The following TPSD1 variants were observed in gnomAD, a reference collection of about 807,000 sequenced individuals.
TPSD1 encodes the protein tryptase delta 1.
A neutral mutation model predicts 25.4 loss-of-function variants in TPSD1; 30 were observed. The ratio of observed to expected loss-of-function variants is 1.18; its 90% CI spans 0.88 to 1.60. The LOEUF is 1.60. TPSD1 is among the 40% of genes most tolerant of loss of function. TPSD1 has a pLI of 0.00. For synonymous variants in TPSD1, 176 were observed against 149.4 expected, an observed-to-expected ratio of 1.18 and a Z score of -1.30; for missense variants, 420 against 324.2, an observed-to-expected ratio of 1.30 and a Z score of -2.27.
intron 1 of TPSD1, 22 bp downstream of exon 1, chr16:1,256,384 C>T (rs1213263902): frequency 1.2e-6 from 2 of 1,612,090 alleles, no homozygotes; most frequent in Non-Finnish European, 8.5e-7. Flanking sequence ...CCGGGGTCCA[C>T]CCTGCCCCTC....
intron 3 of TPSD1, chr16:1,257,857 G>T: frequency 1.6e-6 from 1 of 628,482 alleles, no homozygotes; most frequent in Non-Finnish European, 2.7e-6. Flanking sequence ...TCCCCAGATG[G>T]GGCTTAAATG....
Position 1,257,047 on chromosome 16 carries a change from G to A in TPSD1, c.505G>A (p.Asp169Asn), listed in dbSNP as rs368071110. ...GMPCWVTGWG[D>N]VDNNVHLPPP... Reference sequence around the variant, plus strand: ...GCCGTGCTGGGTCACTGGCTGGGGCGACGTGGACAATAATGGTGGGTGTTG... The same window carrying A: ...GCCGTGCTGGGTCACTGGCTGGGGCAACGTGGACAATAATGGTGGGTGTTG... The change falls in exon 3 of 5, where the codon GAC becomes AAC. Residue 169 changes from aspartate to asparagine, a missense_variant. By Grantham distance (23) the Asp-to-Asn change is conservative. Transcript: ENST00000211076. The A allele has an allele frequency of 1.3e-5, 21 of 1,610,384 alleles. No homozygotes were observed. Among genetic ancestry groups the A allele is most frequent in the Non-Finnish European group, 1.6e-5 (19 of 1,178,740 alleles).
rs367656690 is a variant in TPSD1, at chr16:1,258,416, C to G, written c.*40C>G. On this transcript the variant is annotated 3_prime_UTR_variant, in exon 5 of 5. Transcript: ENST00000211076. The stretch of plus-strand genomic sequence containing the variant: ...GGTCAGCTGGGAGGAGAGCTGTGCC[C>G]AGCCCAACCGGCCTGGCATCTACAC... The G allele has an allele frequency of 1.1e-5, 17 of 1,613,100 alleles. No individual in the cohort carries two copies. Among genetic ancestry groups the G allele is most frequent in the Non-Finnish European group, 1.4e-5 (17 of 1,179,796 alleles).
rs781102187 is a variant in TPSD1, at chr16:1,256,598, G to C, written c.165G>C (p.Leu55=). The C allele has an allele frequency of 6.2e-7, 1 of 1,612,842 alleles. No individual in the cohort carries two copies. Among genetic ancestry groups the C allele is most frequent in the Non-Finnish European group, 8.5e-7 (1 of 1,179,764 alleles). The change falls in exon 2 of 5, where the codon CTG becomes CTC. Residue 55 remains leucine (L), a synonymous_variant. Coordinates refer to ENST00000211076, the MANE Select transcript of TPSD1 (RefSeq NM_012217.3). ...GCAAGTGGCCCTGGCAGGTGAGCCT[G>C]AGAGTCCGCGGCCCATACTGGATGC... ...PRSKWPWQVS[L]RVRGPYWMHF...
rs2030991250 is a variant in TPSD1, at chr16:1,257,061, T to C, written c.519T>C (p.Asn173=). The C allele has an allele frequency of 6.2e-7, 1 of 1,605,168 alleles. No individual in the cohort carries two copies. Residue 173 remains asparagine, a splice_region_variant and synonymous_variant, in exon 3 of 5, where the codon AAT becomes AAC. Coordinates refer to ENST00000211076, the MANE Select transcript of TPSD1 (RefSeq NM_012217.3). The part of the protein sequence containing the change: ...WVTGWGDVDN[N]VHLPPPYPLK... ...CTGGCTGGGGCGACGTGGACAATAA[T>C]GGTGGGTGTTGGGGACAGCGGGAGG... is the stretch of plus-strand genomic sequence containing the variant.
chr16:1,256,871 C>T lies in TPSD1; in HGVS notation c.329C>T (p.Pro110Leu), dbSNP rs147268885. The T allele has an allele frequency of 2.7e-4, 429 of 1,613,708 alleles. No homozygotes were observed. In the African/African-American group the frequency reaches 4.4e-3, roughly 17 times the overall value. The change falls in exon 3 of 5, where the codon CCG becomes CTG. Residue 110 changes from proline (P) to leucine (L), a missense_variant. Pro to Leu is a moderately conservative substitution (Grantham distance 98). Transcript: ENST00000211076. ...CTCTACTACCAGGACCAGCTGCTGC[C>T]GGTCAGCAGGATCATCGTGCACCCA... ...QHLYYQDQLLPVSRIIVHPQF... is the reference protein window; with the variant it reads ...QHLYYQDQLLLVSRIIVHPQF...
rs201985553 is a variant in TPSD1, at chr16:1,258,849, AGCCCCCTCCTCCATCCT to A, written c.*492_*508del. The A allele has an allele frequency of 0.024, 1,312 of 55,476 alleles. 334 individuals carry two copies. The East Asian group carries it at 0.44, about 19-fold the overall frequency. 3.4% of individuals were successfully genotyped at this position (55,476 alleles called of 1,614,324 possible). On this transcript the variant is annotated 3_prime_UTR_variant, in exon 5 of 5. Coordinates refer to ENST00000211076, the MANE Select transcript of TPSD1 (RefSeq NM_012217.3). ...TTTCTTGAGCCCCTCCTCCATCCTG[AGCCCCCTCCTCCATCCT>A]GCCCCCTCCTCCATCCTGAGCCTCC...
Position 1,257,067 on chromosome 16 carries a change from G to C in TPSD1, c.520+5G>C. 6.2e-7 allele frequency: 1 copy of C among 1,601,166 alleles called. No homozygotes were observed. Among genetic ancestry groups the C allele is most frequent in the South Asian group, 1.1e-5 (1 of 89,562 alleles). On this transcript the variant is annotated splice_donor_5th_base_variant and intron_variant, in intron 3 of 4. Coordinates refer to ENST00000211076, the MANE Select transcript of TPSD1 (RefSeq NM_012217.3). ...GGGGCGACGTGGACAATAATGGTGG[G>C]TGTTGGGGACAGCGGGAGGCCGGGC...
rs765423545 is a variant in TPSD1 at position 1,256,565 on chromosome 16, C to T, written c.132C>T (p.Ala44=). 2.6e-5 allele frequency: 42 copies of T among 1,611,992 alleles called. No individual in the cohort carries two copies. Among genetic ancestry groups the T allele is most frequent in the Non-Finnish European group, 3.3e-5 (39 of 1,179,690 alleles). Residue 44 remains alanine, a synonymous_variant, in exon 2 of 5, where the codon GCC becomes GCT. Transcript: ENST00000211076. The stretch of plus-strand genomic sequence containing the variant: ...CGGGCATTGTTGGGGGGCAGGAGGC[C>T]CCCAGGAGCAAGTGGCCCTGGCAGG... The part of the protein sequence containing the change: ...QQTGIVGGQE[A]PRSKWPWQVS...
chr16:1,257,795 ACCC>A, intron 3 of TPSD1: 3 of 560,678 alleles, frequency 5.4e-6, no homozygotes, highest in Non-Finnish European at 9.5e-6. Context: ...CGGGCTCTGC[ACCC>A]CCGTGCCATG....
rs1329678494 is a variant in TPSD1, at chr16:1,257,796, C to A, written c.521-263C>A. 3 of 567,752 alleles carry A rather than the reference C, an allele frequency of 5.3e-6. No homozygotes were observed. The African/African-American group carries it at 5.7e-5, about 11-fold the overall frequency. 35.2% of individuals were successfully genotyped at this position (567,752 alleles called of 1,614,324 possible). Reference sequence around the variant, plus strand: ...GGGGAGACACGGGTCGGGCTCTGCACCCCCGTGCCATGGAGCCCAGCTTGG... The same window carrying A: ...GGGGAGACACGGGTCGGGCTCTGCAACCCCGTGCCATGGAGCCCAGCTTGG... On this transcript the variant is annotated intron_variant, in intron 3 of 4. Transcript: ENST00000211076.
At position 1,256,325 on chromosome 16, in the gene TPSD1, G is replaced by A. The variant is rs151005068; in HGVS notation, c.45G>A (p.Ala15=). 411 of 1,613,512 alleles carry A rather than the reference G, an allele frequency of 2.5e-4. 1 individual carries two copies. The highest frequency in any genetic ancestry group is 9.7e-4 in the African/African-American group (73 of 75,034). ...APQMLSLLLL[A]LPVLASPAYV... Reference sequence around the variant, plus strand: ...AGATGCTGAGCCTGCTGCTGCTGGCGCTGCCCGTCCTGGCGAGCCCGGCCT... The same window carrying A: ...AGATGCTGAGCCTGCTGCTGCTGGCACTGCCCGTCCTGGCGAGCCCGGCCT... The change falls in exon 1 of 5, where the codon GCG becomes GCA. Residue 15 remains alanine (A), a synonymous_variant. Transcript: ENST00000211076.
chr16:1,257,408 G>C, intron 3 of TPSD1: 1 of 384,432 alleles, frequency 2.6e-6, no homozygotes, highest in Middle Eastern at 7.4e-4. Flanking sequence ...AGAGACCGGT[G>C]CTGGGATGAG....
Position 1,258,353 on chromosome 16 carries a change from G to A in TPSD1, c.706G>A (p.Val236Ile). The change falls in exon 5 of 5, where the codon GTC becomes ATC. Residue 236 changes from valine to isoleucine, a missense_variant. Val to Ile is a conservative substitution (Grantham distance 29, BLOSUM62 3). Coordinates refer to ENST00000211076, the MANE Select transcript of TPSD1 (RefSeq NM_012217.3). ...SCQGDSGGPL[V>I]CKVNGT ...CCAGGGTGACTCTGGAGGGCCCCTG[G>A]TCTGCAAGGTGAATGGCACCTAACT... 6.2e-6 allele frequency: 10 copies of A among 1,613,626 alleles called. No individual in the cohort carries two copies. Among genetic ancestry groups the A allele is most frequent in the African/African-American group, 1.3e-5 (1 of 74,984 alleles).
At chr16:1,257,964 G>A in intron 3 of TPSD1, 95 bp from the exon 4 acceptor site, 3 of 1,349,214 alleles carry the variant, frequency 2.2e-6, no homozygotes, top group Non-Finnish European at 3.1e-6. Context: ...CTGGGCCCAT[G>A]GTGCCATCTC....
intron 3 of TPSD1, among the ~76,000 whole-genome samples, chr16:1,257,780 C>T (rs2031006919): frequency 1.3e-5 from 2 of 152,316 alleles, no homozygotes; most frequent in African/African-American, 4.8e-5. Context: ...GGGGGAGACA[C>T]GGGTCGGGCT....
chr16:1,257,920 G>A (rs548724086), intron 3 of TPSD1, 139 bp from the exon 4 acceptor site: 8 of 931,002 alleles, frequency 8.6e-6, no homozygotes, highest in South Asian at 1.7e-5. Context: ...TGCATTCACC[G>A]CCCCTTCCCC....
rs1489681841 is a variant in TPSD1 at position 1,258,213 on chromosome 16, C to T, written c.675C>T (p.Asp225=). The change falls in exon 4 of 5, where the codon GAC becomes GAT. Residue 225 remains aspartate, a synonymous_variant. Transcript: ENST00000211076. The part of the protein sequence containing the change: ...DMLCAGSENH[D]SCQGDSGGPL... Reference sequence around the variant, plus strand: ...TGTGTGCGGGGAGCGAAAATCACGACTCCTGCCAGGTGGGCCCTCGCGTCC... The same window carrying T: ...TGTGTGCGGGGAGCGAAAATCACGATTCCTGCCAGGTGGGCCCTCGCGTCC... 6.2e-7 allele frequency: 1 copy of T among 1,613,116 alleles called. No individual in the cohort carries two copies. The highest frequency in any genetic ancestry group is 8.5e-7 in the Non-Finnish European group (1 of 1,179,868).
In TPSD1 at chr16:1,256,508, T is replaced by C. The variant is rs1251154043; in HGVS notation, c.83-8T>C. 1 of 1,607,342 alleles carries C rather than the reference T, an allele frequency of 6.2e-7. No homozygotes were observed. Among genetic ancestry groups the C allele is most frequent in the Non-Finnish European group, 8.5e-7 (1 of 1,177,730 alleles). On this transcript the variant is annotated splice_polypyrimidine_tract_variant and splice_region_variant and intron_variant, in intron 1 of 4. Transcript: ENST00000211076. ...GGCTTCTTGGTCCTGACCTGGCACC[T>C]GCCCCAGCCCCAGGCCAGGCCCTGC...
Sources: allele counts gnomAD v4.1 joint callset (sites outside exome capture counted in the v4.1 genomes callset), GRCh38; gene constraint gnomAD v4.1.1; transcripts MANE v1.5; gene names NCBI Gene and HGNC (gene_info 2026-07-23, HGNC 2026-07-21).